The following HERC3 variants were observed in gnomAD, a reference collection of about 807,000 sequenced individuals.
The protein encoded by HERC3 is HECT and RLD domain containing E3 ubiquitin protein ligase 3.
A neutral mutation model predicts 129.9 loss-of-function variants in HERC3; 58 were observed. That is an observed-to-expected ratio of 0.45 (90% CI 0.36 to 0.56). The LOEUF is 0.56. Ranked by LOEUF, HERC3 falls within the 20% of genes least tolerant of loss-of-function variation. The pLI, the probability that HERC3 is intolerant of heterozygous loss-of-function variation, is 0.00. For synonymous variants in HERC3, 430 were observed against 451.0 expected, an observed-to-expected ratio of 0.95 and a Z score of 0.59; for missense variants, 835 against 1,244.2, an observed-to-expected ratio of 0.67 and a Z score of 4.95.
At chr4:88,649,526 C>G (rs1239933574) in intron 3 of HERC3, among the ~76,000 whole-genome samples, 2 of 151,990 alleles carry the variant, frequency 1.3e-5, no homozygotes, top group Non-Finnish European at 2.9e-5. Context: ...GGAACATCTC[C>G]AAATAGTACA....
intron 3 of HERC3, among the ~76,000 whole-genome samples, chr4:88,618,289 T>C (rs942639714): frequency 1.3e-5 from 2 of 152,370 alleles, no homozygotes; most frequent in Middle Eastern, 3.4e-3. Context: ...CTGTTCTTCA[T>C]GACTCCCTAA....
rs148178604 is a variant in HERC3, at chr4:88,649,706, T to C, written c.227-134T>C. The C allele has an allele frequency of 3.0e-3, 2,100 of 705,422 alleles. 30 individuals are homozygous for C. The African/African-American group carries it at 0.032, about 11-fold the overall frequency. 43.7% of individuals were successfully genotyped at this position (705,422 alleles called of 1,614,324 possible). ...AGAGTTTAGAAATATGTGAAATTTA[T>C]AATCTCTATAAATATTCAGATTAAG... On this transcript the variant is annotated intron_variant, in intron 3 of 25. Transcript: ENST00000402738.
chr4:88,605,430 G>T (rs1263508739), intron 2 of HERC3, among the ~76,000 whole-genome samples: 1 of 152,142 alleles, frequency 6.6e-6, no homozygotes. Flanking sequence ...AAAGGATAAG[G>T]TGAAGTCTTG....
intron 3 of HERC3, among the ~76,000 whole-genome samples, chr4:88,633,600 A>T (rs1727014777): frequency 6.6e-6 from 1 of 152,208 alleles, no homozygotes; most frequent in South Asian, 2.1e-4. Flanking sequence ...TTTAACACAA[A>T]AGAAGGCAAG....
intron 19 of HERC3, among the ~76,000 whole-genome samples, chr4:88,679,361 A>T (rs1317394470): frequency 7.2e-5 from 11 of 152,130 alleles, no homozygotes; most frequent in Non-Finnish European, 1.6e-4. Flanking sequence ...ATTGAGCGTG[A>T]TTTCTCCCAG....
At chr4:88,673,511 A>T (rs935509932) in intron 16 of HERC3, among the ~76,000 whole-genome samples, 1 of 152,206 alleles carries the variant, frequency 6.6e-6, no homozygotes, top group Non-Finnish European at 1.5e-5. Context: ...GAGACTTGAA[A>T]TATGGTCCAC....
chr4:88,655,082 T>G, intron 7 of HERC3, 92 bp from the exon 8 acceptor site: 1 of 1,319,528 alleles, frequency 7.6e-7, no homozygotes, highest in Non-Finnish European at 1.1e-6. Context: ...AGTGCTCTTG[T>G]GCACATTGTT....
the HERC3 span, among the ~76,000 whole-genome samples, chr4:88,560,689 T>G: frequency 6.6e-6 from 1 of 152,190 alleles, no homozygotes; most frequent in Non-Finnish European, 1.5e-5. Context: ...TTTTTCTCTA[T>G]GTTCTCATGT....
chr4:88,703,834 T>A (rs1735535714), intron 23 of HERC3, among the ~76,000 whole-genome samples: 2 of 152,150 alleles, frequency 1.3e-5, no homozygotes, highest in Admixed American at 6.5e-5. Flanking sequence ...AGCCAGTAGT[T>A]TAGTTCTATA....
Position 88,704,863 on chromosome 4 carries a change from C to CTTTTTT in HERC3, c.2944+263_2944+268dup, listed in dbSNP as rs1165694315. On this transcript the variant is annotated intron_variant, in intron 25 of 25. Coordinates refer to ENST00000402738, the MANE Select transcript of HERC3 (RefSeq NM_014606.3). ...TCACTGATTTTTCTTTTCTTTCTTT[C>CTTTTTT]TTTTTTTTTTTTTTTGAGACAGAGT... is the stretch of plus-strand genomic sequence containing the variant. 4.3e-3 allele frequency among the ~76,000 whole-genome samples: 556 copies of CTTTTTT among 130,644 alleles called. 7 individuals are homozygous for CTTTTTT. Among genetic ancestry groups the CTTTTTT allele is most frequent in the African/African-American group, 0.016 (538 of 33,374 alleles). The allele number at this position is 130,644 out of a possible 152,430, so 85.7% of individuals were successfully genotyped here. A position where few individuals can be genotyped will look rare whatever the true frequency, so the allele number is the denominator to read the frequency against.
chr4:88,697,594 T>G, intron 23 of HERC3: 1 of 1,613,560 alleles, frequency 6.2e-7, no homozygotes, highest in Non-Finnish European at 8.5e-7. Context: ...GGTCTGGGGC[T>G]CCTCAGCCAT....
chr4:88,565,102 T>C, the HERC3 span, among the ~76,000 whole-genome samples: 3 of 152,168 alleles, frequency 2.0e-5, no homozygotes, highest in Non-Finnish European at 4.4e-5. Flanking sequence ...GTACTTGATA[T>C]AATTTCAATT....
intron 23 of HERC3, among the ~76,000 whole-genome samples, chr4:88,702,213 A>G (rs1047267597): frequency 2.0e-5 from 3 of 152,244 alleles, no homozygotes; most frequent in African/African-American, 7.2e-5. Flanking sequence ...CATAAACAAT[A>G]TGATAATACT....
At chr4:88,665,273 G>A (rs368725105) in intron 12 of HERC3, among the ~76,000 whole-genome samples, 4 of 152,270 alleles carry the variant, frequency 2.6e-5, no homozygotes, top group South Asian at 2.1e-4. Flanking sequence ...AGAACCAGGC[G>A]AGCCAGCATC....
At chr4:88,669,483 G>C (rs949287420) in intron 14 of HERC3, among the ~76,000 whole-genome samples, 2 of 152,142 alleles carry the variant, frequency 1.3e-5, no homozygotes, top group Non-Finnish European at 2.9e-5. Context: ...TTGCATTTCT[G>C]CTTCAGGATT....
At chr4:88,527,720 G>A in the HERC3 span, 2 of 301,238 alleles carry the variant, frequency 6.6e-6, no homozygotes, top group Non-Finnish European at 1.3e-5. Flanking sequence ...TTCCTGGGCT[G>A]CATAGGTTCT....
intron 3 of HERC3, among the ~76,000 whole-genome samples, chr4:88,630,815 T>C (rs1354151049): frequency 6.6e-6 from 1 of 152,230 alleles, no homozygotes; most frequent in African/African-American, 2.4e-5. Flanking sequence ...CTAATTTTTA[T>C]TCTTTATTAA....
At chr4:88,568,190 T>A in the HERC3 span, among the ~76,000 whole-genome samples, 5 of 152,338 alleles carry the variant, frequency 3.3e-5, no homozygotes, top group East Asian at 7.7e-4. Context: ...TAAAACTTCA[T>A]AGTGTGGACG....
upstream of HERC3, chr4:88,592,341 G>C (rs1037593961): frequency 6.5e-6 from 1 of 152,718 alleles, no homozygotes; most frequent in Admixed American, 6.5e-5. Flanking sequence ...TCCTGCCCGC[G>C]GACCTTGCCG....
Sources: allele counts gnomAD v4.1 joint callset (sites outside exome capture counted in the v4.1 genomes callset), GRCh38; gene constraint gnomAD v4.1.1; transcripts MANE v1.5; gene names NCBI Gene and HGNC (gene_info 2026-07-23, HGNC 2026-07-21).